Variants in RTL9 observed in about 807,000 individuals in gnomAD.
RTL9 encodes the protein retrotransposon Gag like 9, also known as retrotransposon Gag-like protein 9.
RTL9 carries 19 observed loss-of-function variants against 44.7 expected under a neutral mutation model. That is an observed-to-expected ratio of 0.42 (90% CI 0.30 to 0.62). The LOEUF (loss-of-function observed/expected upper bound fraction) is 0.62, where lower values mean the gene tolerates loss of function less well. RTL9 is among the 20% of genes least tolerant of loss of function. The pLI, the probability that RTL9 is intolerant of heterozygous loss-of-function variation, is 0.16. For synonymous variants in RTL9, 407 were observed against 398.9 expected, an observed-to-expected ratio of 1.02 and a Z score of -0.24; for missense variants, 1,105 against 1,080.6, an observed-to-expected ratio of 1.02 and a Z score of -0.32.
intron 1 of RTL9, among the ~76,000 whole-genome samples, chrX:110,368,710 T>A (rs1164795139): frequency 8.9e-6 from 1 of 112,317 alleles, no homozygotes; most frequent in African/African-American, 3.2e-5. Flanking sequence ...TCTTCACCAC[T>A]AGAATATAAG....
chrX:110,385,058 C>G (rs2068445740), intron 1 of RTL9, among the ~76,000 whole-genome samples: 1 of 111,296 alleles, frequency 9.0e-6, no homozygotes, highest in Admixed American at 9.6e-5. Context: ...CTATTCAGTT[C>G]TGATGTAGCA....
intron 1 of RTL9, among the ~76,000 whole-genome samples, chrX:110,370,932 C>G (rs2068334242): frequency 8.9e-6 from 1 of 112,143 alleles, no homozygotes; most frequent in Non-Finnish European, 1.9e-5. Context: ...TATCAATTCA[C>G]TTTTGTCCTC....
At chrX:110,430,404 G>A (rs1201047398) in intron 1 of RTL9, among the ~76,000 whole-genome samples, 1 of 112,445 alleles carries the variant, frequency 8.9e-6, no homozygotes, top group Non-Finnish European at 1.9e-5. Context: ...ATGCTGTGAG[G>A]TAGGTTACTA....
intron 1 of RTL9, among the ~76,000 whole-genome samples, chrX:110,362,051 C>T (rs898056923): frequency 8.9e-6 from 1 of 111,914 alleles, no homozygotes; most frequent in African/African-American, 3.2e-5. Context: ...GTATCTCCAA[C>T]ATCTAGAATA....
intron 1 of RTL9, among the ~76,000 whole-genome samples, chrX:110,389,288 G>A (rs1373395946): frequency 8.9e-6 from 1 of 112,520 alleles, no homozygotes; most frequent in Non-Finnish European, 1.9e-5. Context: ...ACACTTGGCT[G>A]TTTTTTTGTA....
At chrX:110,452,560 C>T in exon 1 of RTL9, 2 of 1,211,735 alleles carry the variant, frequency 1.7e-6, no homozygotes, top group Non-Finnish European at 2.2e-6. Context: ...ATGAGAGACA[C>T]AGTTTCTGGA....
At chrX:110,408,939 G>A (rs1451843244) in intron 1 of RTL9, among the ~76,000 whole-genome samples, 1 of 111,919 alleles carries the variant, frequency 8.9e-6, no homozygotes, top group Non-Finnish European at 1.9e-5. Context: ...TTTAATTTCA[G>A]GATAGTAAAG....
chrX:110,432,697 A>G (rs1251714904), intron 1 of RTL9, among the ~76,000 whole-genome samples: 4 of 112,093 alleles, frequency 3.6e-5, no homozygotes, highest in Non-Finnish European at 7.5e-5. Context: ...CACTAATGCT[A>G]TTAAGCAGGA....
exon 1 of RTL9, chrX:110,452,535 A>G (rs1177628720): frequency 4.1e-6 from 5 of 1,209,929 alleles, no homozygotes; most frequent in East Asian, 5.9e-5. Flanking sequence ...TTCTGAAGCA[A>G]TGCCCACACT....
At position 110,442,011 on chromosome X, in the gene RTL9, C is replaced by T. The variant is rs1479302588; in HGVS notation, c.-167-3142C>T. Among the ~76,000 whole-genome samples the T allele has an allele frequency of 8.1e-5, 9 of 111,115 alleles. No individual in the cohort carries two copies. The Admixed American group carries it at 8.7e-4, about 11-fold the overall frequency. ...TAGGAGCAATGCTGGGATTCCAACC[C>T]ACACAGTTCAGCTCTTATCCACCTT... On this transcript the variant is annotated intron_variant, in intron 1 of 3. Coordinates refer to the RTL9 transcript ENST00000465301.
chrX:110,380,603 T>TC (rs2068412252), intron 1 of RTL9, among the ~76,000 whole-genome samples: 1 of 112,380 alleles, frequency 8.9e-6, no homozygotes, highest in African/African-American at 3.2e-5. Flanking sequence ...ATTTTAAAAT[T>TC]CATATGGAAT....
chrX:110,436,282 C>T (rs1217193911), intron 1 of RTL9, among the ~76,000 whole-genome samples: 2 of 111,325 alleles, frequency 1.8e-5, no homozygotes, highest in South Asian at 3.8e-4. Context: ...TGCGACCCAG[C>T]TGTGTGACTT....
At chrX:110,404,455 G>A (rs754842942) in intron 1 of RTL9, among the ~76,000 whole-genome samples, 3 of 111,731 alleles carry the variant, frequency 2.7e-5, no homozygotes, top group Non-Finnish European at 5.6e-5. Flanking sequence ...ACACTCGCAG[G>A]ACAAACTCCA....
chrX:110,407,667 C>T (rs1392949932), intron 1 of RTL9, among the ~76,000 whole-genome samples: 1 of 111,999 alleles, frequency 8.9e-6, no homozygotes, highest in Non-Finnish European at 1.9e-5. Context: ...AGTACATAGT[C>T]CTTTTGCTAC....
At chrX:110,372,462 A>G (rs2068345981) in intron 1 of RTL9, among the ~76,000 whole-genome samples, 1 of 111,883 alleles carries the variant, frequency 8.9e-6, no homozygotes, top group African/African-American at 3.2e-5. Flanking sequence ...AAGTTTGTGT[A>G]CATAAAATGT....
exon 1 of RTL9, chrX:110,451,155 C>A (rs769154546): frequency 1.7e-6 from 2 of 1,211,968 alleles, no homozygotes; most frequent in South Asian, 3.5e-5. Flanking sequence ...GGTGTGTACA[C>A]CTATAATGAG....
intron 1 of RTL9, among the ~76,000 whole-genome samples, chrX:110,364,007 G>A (rs1475844736): frequency 8.9e-6 from 1 of 111,751 alleles, no homozygotes; most frequent in Non-Finnish European, 1.9e-5. Context: ...CACAAACTTG[G>A]TGGCTTAAAA....
upstream of RTL9, among the ~76,000 whole-genome samples, chrX:110,449,932 C>T (rs977851762): frequency 1.4e-4 from 16 of 112,023 alleles, no homozygotes; most frequent in Admixed American, 1.3e-3. Flanking sequence ...GCACATACTA[C>T]GTGAAGCAAT....
At position 110,410,950 on chromosome X, in the gene RTL9, C is replaced by T. The variant is rs1440579217; in HGVS notation, c.-167-34203C>T. Among the ~76,000 whole-genome samples the T allele has an allele frequency of 3.6e-5, 4 of 112,346 alleles. No homozygotes were observed. The East Asian group carries it at 1.1e-3, about 31-fold the overall frequency. On this transcript the variant is annotated intron_variant, in intron 1 of 2. Coordinates refer to the RTL9 transcript ENST00000520821. ...AAATCTCTTTATTTAAAATTAGGCA[C>T]TTCCTATTTTGGTTCCTAAATGGCA... is the stretch of plus-strand genomic sequence containing the variant.
Sources: allele counts gnomAD v4.1 joint callset (sites outside exome capture counted in the v4.1 genomes callset), GRCh38; gene constraint gnomAD v4.1.1; transcripts MANE v1.5; gene names NCBI Gene and HGNC (gene_info 2026-07-23, HGNC 2026-07-21).